The following PCDHGB6 variants were observed in gnomAD, a reference collection of about 807,000 sequenced individuals.
The protein encoded by PCDHGB6 is protocadherin gamma-B6.
A neutral mutation model predicts 59.1 loss-of-function variants in PCDHGB6; 51 were observed. The ratio of observed to expected loss-of-function variants is 0.86; its 90% CI spans 0.69 to 1.09. The LOEUF (loss-of-function observed/expected upper bound fraction) is 1.09. Among genes scored for constraint, PCDHGB6 ranks in the 50% least tolerant of loss-of-function variants. PCDHGB6 has a pLI of 0.00. For synonymous variants in PCDHGB6, 466 were observed against 495.1 expected, an observed-to-expected ratio of 0.94 and a Z score of 0.78; for missense variants, 1,148 against 1,205.1, an observed-to-expected ratio of 0.95 and a Z score of 0.70.
At chr5:141,507,676 A>G (rs2099862523) in intron 3 of PCDHGB6, among the ~76,000 whole-genome samples, 1 of 152,252 alleles carries the variant, frequency 6.6e-6, no homozygotes, top group African/African-American at 2.4e-5. Flanking sequence ...TCCAGATGTT[A>G]AAAACAGAAA....
chr5:141,461,510 G>T (rs2099016853), intron 1 of PCDHGB6, among the ~76,000 whole-genome samples: 1 of 152,014 alleles, frequency 6.6e-6, no homozygotes, highest in Non-Finnish European at 1.5e-5. Context: ...TTGGTGATTT[G>T]TTAGTTCCTT....
intron 1 of PCDHGB6, chr5:141,419,502 T>C: frequency 6.2e-7 from 1 of 1,612,388 alleles, no homozygotes; most frequent in Admixed American, 1.7e-5. Context: ...AATGTGAGCC[T>C]GCGCGTGTTG....
intron 3 of PCDHGB6, among the ~76,000 whole-genome samples, chr5:141,506,349 T>A (rs894933059): frequency 8.0e-5 from 12 of 150,304 alleles, no homozygotes; most frequent in Admixed American, 2.7e-4. Context: ...CTTGGGAGGC[T>A]GAGGCAGGAG....
rs774505854 is a variant in PCDHGB6 at position 141,490,507 on chromosome 5, G to A, written c.2419-4300G>A. The A allele has an allele frequency of 5.6e-6, 9 of 1,613,898 alleles. No individual in the cohort carries two copies. The highest frequency in any genetic ancestry group is 4.0e-5 in the African/African-American group (3 of 74,868). ...GGAGGCCACATCCCACTATATCATC[G>A]AGCTGCTGGCCAGCGATGCTGGTTC... On this transcript the variant is annotated intron_variant, in intron 1 of 3. Transcript: ENST00000520790. This position sits in a 1 kb window ranked among gnomAD's most constrained non-coding sequence, Gnocchi z 5.4.
chr5:141,454,563 C>T (rs1056296059), intron 1 of PCDHGB6, among the ~76,000 whole-genome samples: 46 of 151,960 alleles, frequency 3.0e-4, no homozygotes, highest in Non-Finnish European at 4.9e-4. Context: ...TGTGCCACCA[C>T]GCCCGGCTAA....
chr5:141,438,901 G>A (rs1039951275), intron 1 of PCDHGB6, among the ~76,000 whole-genome samples: 2 of 151,746 alleles, frequency 1.3e-5, no homozygotes, highest in African/African-American at 2.4e-5. Flanking sequence ...CCTGACCTCA[G>A]GTGATCCACC....
In PCDHGB6 at chr5:141,486,334, C is replaced by T; in HGVS notation, c.2419-8473C>T. 1.2e-6 allele frequency: 2 copies of T among 1,614,098 alleles called. No individual in the cohort carries two copies. ...CAGGGTCAAACGGAGATGTGAGCCT[C>T]CGCATTCCTGACCACTTGCCATTTG... On this transcript the variant is annotated intron_variant, in intron 1 of 3. Coordinates refer to ENST00000520790, the MANE Select transcript of PCDHGB6 (RefSeq NM_018926.3). This position sits in a 1 kb window ranked among gnomAD's most constrained non-coding sequence, Gnocchi z 5.0.
rs1311776295 is a variant in PCDHGB6, at chr5:141,487,582, C to G, written c.2419-7225C>G. 1.2e-6 allele frequency: 2 copies of G among 1,614,088 alleles called. No homozygotes were observed. The highest frequency in any genetic ancestry group is 2.7e-5 in the African/African-American group (2 of 74,934). ...TGGCAGGGGAGCCTGTTCGCCCAAG[C>G]TGCCCACCCTCTGATCTTCTCTATG... is the stretch of plus-strand genomic sequence containing the variant. On this transcript the variant is annotated intron_variant, in intron 1 of 3. Transcript: ENST00000520790. The surrounding 1 kb of genome is among the most constrained non-coding windows in gnomAD (Gnocchi z 5.0).
chr5:141,457,193 A>G (rs2154565853), intron 1 of PCDHGB6, among the ~76,000 whole-genome samples: 1 of 152,356 alleles, frequency 6.6e-6, no homozygotes, highest in African/African-American at 2.4e-5. Flanking sequence ...GAGTGAGGAA[A>G]GCAGTTCCCA....
Position 141,487,341 on chromosome 5 carries a change from TC to T in PCDHGB6, c.2419-7465del, listed in dbSNP as rs778559139. Reference sequence around the variant, plus strand: ...TGTCTTCGTGGGGCAGCCTGTGGAGTCACATGCTTTCCTGCTGGCACCTGTG... The same window carrying T: ...TGTCTTCGTGGGGCAGCCTGTGGAGTACATGCTTTCCTGCTGGCACCTGTG... On this transcript the variant is annotated intron_variant, in intron 1 of 3. Transcript: ENST00000520790. This position sits in a 1 kb window ranked among gnomAD's most constrained non-coding sequence, Gnocchi z 5.0. 1 of 1,614,012 alleles carries T rather than the reference TC, an allele frequency of 6.2e-7. No homozygotes were observed. The highest frequency in any genetic ancestry group is 1.1e-5 in the South Asian group (1 of 91,074).
rs1359968983 is a variant in PCDHGB6 at position 141,408,844 on chromosome 5, C to G, written c.642C>G (p.Ala214=). The change falls in exon 1 of 4, where the codon GCC becomes GCG. Residue 214 remains alanine (A), a synonymous_variant. Coordinates refer to ENST00000520790, the MANE Select transcript of PCDHGB6 (RefSeq NM_018926.3). The part of the protein sequence containing the change: ...EQRSHSLILT[A]LDGGDPPRSA... ...GATCTCATAGCTTGATATTGACTGC[C>G]TTGGACGGAGGGGACCCACCAAGAA... 1 of 1,613,634 alleles carries G rather than the reference C, an allele frequency of 6.2e-7. No individual in the cohort carries two copies. The highest frequency in any genetic ancestry group is 1.1e-5 in the South Asian group (1 of 91,026).
intron 1 of PCDHGB6, among the ~76,000 whole-genome samples, chr5:141,464,525 A>G (rs919668801): frequency 3.3e-5 from 5 of 152,064 alleles, no homozygotes; most frequent in Non-Finnish European, 5.9e-5. Context: ...AGGCATATGT[A>G]GTTTTGTTAA....
In PCDHGB6 at chr5:141,476,065, G is replaced by T; in HGVS notation, c.2419-18742G>T. ...GCTAACCCGCTGAAAGTTTCTCAGC[G>T]AAATCTCAGGGACGATCTGGACCCC... is the stretch of plus-strand genomic sequence containing the variant. On this transcript the variant is annotated intron_variant, in intron 1 of 3. Coordinates refer to ENST00000520790, the MANE Select transcript of PCDHGB6 (RefSeq NM_018926.3). This position sits in a 1 kb window ranked among gnomAD's most constrained non-coding sequence, Gnocchi z 7.6. 6.6e-7 allele frequency: 1 copy of T among 1,511,444 alleles called. No homozygotes were observed. The highest frequency in any genetic ancestry group is 1.3e-5 in the South Asian group (1 of 76,164). The allele number at this position is 1,511,444 out of a possible 1,614,324, so 93.6% of individuals were successfully genotyped here.
In PCDHGB6 at chr5:141,485,233, C is replaced by T; in HGVS notation, c.2419-9574C>T. 1.2e-6 allele frequency: 2 copies of T among 1,614,182 alleles called. No individual in the cohort carries two copies. The highest frequency in any genetic ancestry group is 1.7e-6 in the Non-Finnish European group (2 of 1,180,030). ...GGCGGTGGGCTACCCTTTTGTTCCTCTTTTACCACCTGGGTTACGTTTGTG... is the reference window on the plus strand; with the variant it reads ...GGCGGTGGGCTACCCTTTTGTTCCTTTTTTACCACCTGGGTTACGTTTGTG... On this transcript the variant is annotated intron_variant, in intron 1 of 3. Transcript: ENST00000520790. This position sits in a 1 kb window ranked among gnomAD's most constrained non-coding sequence, Gnocchi z 5.7.
intron 1 of PCDHGB6, among the ~76,000 whole-genome samples, chr5:141,445,318 G>T (rs182520609): frequency 2.0e-4 from 30 of 152,306 alleles, no homozygotes; most frequent in African/African-American, 7.2e-4. Context: ...TAGGTTGAGA[G>T]AACCCATCCA....
rs779718690 is a variant in PCDHGB6, at chr5:141,421,727, C to G, written c.2418+11107C>G. ...AGGGATCCAGATGTGGGCGTGAACT[C>G]CCTCCAGAGCTACCAGCTCAGCCCT... On this transcript the variant is annotated intron_variant, in intron 1 of 3. Coordinates refer to ENST00000520790, the MANE Select transcript of PCDHGB6 (RefSeq NM_018926.3). The G allele has an allele frequency of 1.9e-6, 3 of 1,613,916 alleles. No individual in the cohort carries two copies. In the East Asian group the frequency reaches 6.7e-5, roughly 36 times the overall value.
Position 141,477,783 on chromosome 5 carries a change from T to C in PCDHGB6, c.2419-17024T>C. 1 of 1,614,078 alleles carries C rather than the reference T, an allele frequency of 6.2e-7. No individual in the cohort carries two copies. Among genetic ancestry groups the C allele is most frequent in the Non-Finnish European group, 8.5e-7 (1 of 1,180,028 alleles). On this transcript the variant is annotated intron_variant, in intron 1 of 3. Coordinates refer to ENST00000520790, the MANE Select transcript of PCDHGB6 (RefSeq NM_018926.3). The surrounding 1 kb of genome is among the most constrained non-coding windows in gnomAD (Gnocchi z 4.9). ...GCCACCAACATCAGCGTGAACATAT[T>C]TGTCACTGATCGCAATGACAATGCC...
intron 1 of PCDHGB6, among the ~76,000 whole-genome samples, chr5:141,468,216 T>C (rs2099160325): frequency 6.6e-6 from 1 of 150,794 alleles, no homozygotes. Flanking sequence ...TTCCAGCTAC[T>C]TGGGAGGATG....
chr5:141,432,586 C>G lies in PCDHGB6; in HGVS notation c.2418+21966C>G. 6.2e-7 allele frequency: 1 copy of G among 1,613,852 alleles called. No homozygotes were observed. The highest frequency in any genetic ancestry group is 8.5e-7 in the Non-Finnish European group (1 of 1,179,972). On this transcript the variant is annotated intron_variant, in intron 1 of 3. Transcript: ENST00000520790. The surrounding 1 kb of genome is among the most constrained non-coding windows in gnomAD (Gnocchi z 6.0). ...ACGCCTGGCTGTCCTACCGTCTGCT[C>G]AAGGCCAGCGAGCCGGGACTCTTCT...
Sources: allele counts gnomAD v4.1 joint callset (sites outside exome capture counted in the v4.1 genomes callset), GRCh38; gene constraint gnomAD v4.1.1; non-coding constraint Gnocchi (gnomAD v3.1); transcripts MANE v1.5; gene names NCBI Gene and HGNC (gene_info 2026-07-23, HGNC 2026-07-21).